WLS: variants seen among roughly 807,000 people sequenced by gnomAD.
WLS encodes the protein Wnt ligand secretion mediator, also known as protein wntless homolog.
In WLS, 23 loss-of-function variants were observed where a neutral mutation model predicts 62.8. The ratio of observed to expected loss-of-function variants is 0.37; its 90% CI spans 0.26 to 0.52. The LOEUF (loss-of-function observed/expected upper bound fraction) is 0.52. Among genes scored for constraint, WLS ranks in the 20% least tolerant of loss-of-function variants. The pLI is 0.92. For missense variants in WLS, 615 were observed against 697.3 expected, an observed-to-expected ratio of 0.88 and a Z score of 1.33; for synonymous variants, 246 against 244.1, an observed-to-expected ratio of 1.01 and a Z score of -0.07.
Position 68,197,138 on chromosome 1 carries a change from G to A in WLS, c.107-2911C>T, listed in dbSNP as rs773608119. On this transcript the variant is annotated intron_variant, in intron 1 of 11. Coordinates refer to ENST00000262348, the MANE Select transcript of WLS (RefSeq NM_024911.7). ...AGTCTCTCACTTCTCAGGCCAAAAC[G>A]AAAAATAACTAGCTGAGTTCCTCAG... is the stretch of plus-strand genomic sequence containing the variant. Among the ~76,000 whole-genome samples, 114 of 151,856 alleles carry A rather than the reference G, an allele frequency of 7.5e-4. 1 individual carries two copies. The highest frequency in any genetic ancestry group is 2.4e-3 in the Admixed American group (36 of 15,264).
At chr1:68,225,313 A>C (rs975292940) in intron 1 of WLS, among the ~76,000 whole-genome samples, 1 of 152,180 alleles carries the variant, frequency 6.6e-6, no homozygotes, top group African/African-American at 2.4e-5. Context: ...CTTAGAAAAC[A>C]CTAAAGTTTG....
At chr1:68,162,274 C>T (rs1213048857) in intron 2 of WLS, 3 of 1,597,370 alleles carry the variant, frequency 1.9e-6, no homozygotes, top group African/African-American at 2.7e-5. Flanking sequence ...CACCAGGCCA[C>T]CACGGGGTGC....
chr1:68,212,793 G>A (rs989630986), intron 1 of WLS, among the ~76,000 whole-genome samples: 1 of 152,190 alleles, frequency 6.6e-6, no homozygotes, highest in Non-Finnish European at 1.5e-5. Context: ...GGTTACAGAT[G>A]AGACAGTAAA....
intron 2 of WLS, among the ~76,000 whole-genome samples, chr1:68,191,961 A>T (rs1648333061): frequency 6.6e-6 from 1 of 152,160 alleles, no homozygotes. Context: ...TCTGCTGTGA[A>T]GCCTTTTCTT....
At chr1:68,109,473 G>A (rs1037172001) in intron 11 of WLS, among the ~76,000 whole-genome samples, 1 of 152,190 alleles carries the variant, frequency 6.6e-6, no homozygotes, top group South Asian at 2.1e-4. Flanking sequence ...GTTGGAATGA[G>A]AATATTTGAA....
chr1:68,109,526 CAG>C (rs1646193011), intron 11 of WLS, among the ~76,000 whole-genome samples: 1 of 151,982 alleles, frequency 6.6e-6, no homozygotes, highest in African/African-American at 2.4e-5. Context: ...TATGAAGTCA[CAG>C]AAATAGGCAT....
rs1570989144 is a variant in WLS at position 68,193,465 on chromosome 1, G to A, written c.379+490C>T. Among the ~76,000 whole-genome samples the A allele has an allele frequency of 1.1e-4, 15 of 137,682 alleles. No individual in the cohort carries two copies. In the South Asian group the frequency reaches 3.5e-3, roughly 33 times the overall value. 90.3% of individuals were successfully genotyped at this position (137,682 alleles called of 152,430 possible). On this transcript the variant is annotated intron_variant, in intron 2 of 11. Transcript: ENST00000262348. ...AAACGAAAAAAAAACCTGGTTTGGT[G>A]GGGAAATGGGTGCTCATGGGTTGGC... is the stretch of plus-strand genomic sequence containing the variant.
intron 2 of WLS, chr1:68,162,354 G>A (rs1156566105): frequency 3.1e-6 from 5 of 1,613,784 alleles, no homozygotes; most frequent in South Asian, 1.1e-5. Context: ...GGTTATGTTC[G>A]TTGAGATTGC....
At chr1:68,202,640 T>C (rs1451254383) in intron 1 of WLS, 1 of 152,212 alleles carries the variant, frequency 6.6e-6, no homozygotes, top group Non-Finnish European at 1.5e-5. Context: ...TGGCCAGTCA[T>C]CTGGGCTAAG....
At chr1:68,179,064 G>A (rs1028792182) in intron 2 of WLS, among the ~76,000 whole-genome samples, 5 of 152,184 alleles carry the variant, frequency 3.3e-5, no homozygotes, top group Non-Finnish European at 7.3e-5. Flanking sequence ...TACCTAAGGA[G>A]TAGAAATGAA....
In WLS at chr1:68,126,047, T is replaced by C; in HGVS notation, c.*179A>G. 1 of 1,434,364 alleles carries C rather than the reference T, an allele frequency of 7.0e-7. No homozygotes were observed. Among genetic ancestry groups the C allele is most frequent in the Non-Finnish European group, 9.2e-7 (1 of 1,090,772 alleles). 88.9% of individuals were successfully genotyped at this position (1,434,364 alleles called of 1,614,324 possible). On this transcript the variant is annotated 3_prime_UTR_variant, in exon 12 of 12. Transcript: ENST00000262348. ...AATGCATTAGTGGCTGCAGGAATCTTCCTCCAAAAGCTACCGTCAGAAGGC... is the reference window on the plus strand; with the variant it reads ...AATGCATTAGTGGCTGCAGGAATCTCCCTCCAAAAGCTACCGTCAGAAGGC...
At chr1:68,164,038 G>A (rs191410893) in intron 2 of WLS, among the ~76,000 whole-genome samples, 76 of 152,272 alleles carry the variant, frequency 5.0e-4, no homozygotes, top group African/African-American at 1.6e-3. Flanking sequence ...ATGGAAGAAG[G>A]AATTTGAGGC....
intron 11 of WLS, among the ~76,000 whole-genome samples, chr1:68,135,305 C>CTTTTTTTT (rs71581156): frequency 1.2e-4 from 8 of 66,792 alleles, no homozygotes; most frequent in African/African-American, 2.5e-4. Flanking sequence ...CCATGCCTGG[C>CTTTTTTTT]TTTTTTTTTT....
chr1:68,214,262 C>T (rs981488564), intron 1 of WLS, among the ~76,000 whole-genome samples: 1 of 152,090 alleles, frequency 6.6e-6, no homozygotes, highest in African/African-American at 2.4e-5. Context: ...GAGGTTGGTT[C>T]CATAACTTAT....
At chr1:68,194,408 G>A (rs531727941) in intron 1 of WLS, among the ~76,000 whole-genome samples, 181 bp from the exon 2 acceptor site, 83 of 152,272 alleles carry the variant, frequency 5.5e-4, no homozygotes, top group African/African-American at 1.9e-3. Context: ...CTCCAGAGGT[G>A]TCATAACAGT....
intron 1 of WLS, among the ~76,000 whole-genome samples, chr1:68,208,282 C>T (rs1186042677): frequency 6.6e-6 from 1 of 152,158 alleles, no homozygotes; most frequent in Non-Finnish European, 1.5e-5. Context: ...TGGGTATTTG[C>T]TACCCTTTCC....
intron 10 of WLS, among the ~76,000 whole-genome samples, chr1:68,143,078 T>G (rs913847925): frequency 6.6e-6 from 1 of 152,194 alleles, no homozygotes; most frequent in Admixed American, 6.5e-5. Context: ...ATATAATATA[T>G]AGAGATGATT....
chr1:68,170,560 C>A (rs948788857), intron 2 of WLS, among the ~76,000 whole-genome samples: 22 of 152,146 alleles, frequency 1.4e-4, no homozygotes, highest in Non-Finnish European at 2.4e-4. Context: ...GAAGAGATGC[C>A]TCCTTTGAGA....
chr1:68,187,466 G>A lies in WLS; in HGVS notation c.379+6489C>T, dbSNP rs902719975. On this transcript the variant is annotated intron_variant, in intron 2 of 11. Coordinates refer to ENST00000262348, the MANE Select transcript of WLS (RefSeq NM_024911.7). ...ATAAAATATTTTAAAGCATGAAGATGTACATGAGAAAAAAATAAGACATTA... is the reference window on the plus strand; with the variant it reads ...ATAAAATATTTTAAAGCATGAAGATATACATGAGAAAAAAATAAGACATTA... 3.9e-5 allele frequency among the ~76,000 whole-genome samples: 6 copies of A among 151,956 alleles called. No individual in the cohort carries two copies. The East Asian group carries it at 1.2e-3, about 29-fold the overall frequency.
Sources: allele counts gnomAD v4.1 joint callset (sites outside exome capture counted in the v4.1 genomes callset), GRCh38; gene constraint gnomAD v4.1.1; transcripts MANE v1.5; gene names NCBI Gene and HGNC (gene_info 2026-07-23, HGNC 2026-07-21).